SPTBN1: variants seen among roughly 807,000 people sequenced by gnomAD.
SPTBN1 encodes spectrin beta, non-erythrocytic 1, also known as spectrin beta chain, non-erythrocytic 1.
A neutral mutation model predicts 266.4 loss-of-function variants in SPTBN1; 32 were observed. The ratio of observed to expected loss-of-function variants is 0.12; its 90% CI spans 0.09 to 0.16. SPTBN1 has a LOEUF of 0.16. Among genes scored for constraint, SPTBN1 ranks in the 10% least tolerant of loss-of-function variants. SPTBN1 has a pLI of 1.00. For missense variants in SPTBN1, 2,296 were observed against 3,067.1 expected, an observed-to-expected ratio of 0.75 and a Z score of 5.94; for synonymous variants, 1,336 against 1,162.2, an observed-to-expected ratio of 1.15 and a Z score of -3.04.
intron 1 of SPTBN1, among the ~76,000 whole-genome samples, chr2:54,487,792 A>C (rs1484240051): frequency 6.8e-6 from 1 of 147,284 alleles, no homozygotes; most frequent in Non-Finnish European, 1.5e-5. Context: ...TTGGCTTTTA[A>C]TATAGTGATA....
Position 54,626,178 on chromosome 2 carries a change from C to T in SPTBN1, c.1588C>T (p.Leu530=). 6.2e-7 allele frequency: 1 copy of T among 1,614,156 alleles called. No individual in the cohort carries two copies. Among genetic ancestry groups the T allele is most frequent in the Non-Finnish European group, 8.5e-7 (1 of 1,180,038 alleles). The change falls in exon 12 of 36, where the codon CTG becomes TTG. Residue 530 remains leucine (L), a synonymous_variant. Transcript: ENST00000356805. The surrounding 1 kb of genome is among the most constrained non-coding windows in gnomAD (Gnocchi z 4.7). ...ACAGCGGCTCGAGATGAACCTGGGGCTGCAGAAGATATTCCAGGAAATGCT... is the reference window on the plus strand; with the variant it reads ...ACAGCGGCTCGAGATGAACCTGGGGTTGCAGAAGATATTCCAGGAAATGCT... The part of the protein sequence containing the change: ...RRQRLEMNLG[L]QKIFQEMLYI...
rs1285791117 is a variant in SPTBN1 at position 54,469,804 on chromosome 2, AG to A, written c.-48+13290del. Among the ~76,000 whole-genome samples the A allele has an allele frequency of 2.0e-5, 3 of 152,196 alleles. No homozygotes were observed. The East Asian group carries it at 5.8e-4, about 29-fold the overall frequency. ...ATATCAGTCAGGTGACTTCTCTGAG[AG>A]GGGCCTGGTCCTTCTCACAGCAAGA... On this transcript the variant is annotated intron_variant, in intron 1 of 35. Transcript: ENST00000356805.
intron 1 of SPTBN1, among the ~76,000 whole-genome samples, chr2:54,510,127 T>A (rs945934725): frequency 7.9e-5 from 12 of 151,740 alleles, no homozygotes; most frequent in Non-Finnish European, 1.8e-4. Context: ...CCCGGCTAAT[T>A]TTTGTATTTT....
chr2:54,526,207 C>T (rs1558806083), intron 1 of SPTBN1, among the ~76,000 whole-genome samples, 165 bp from the exon 2 acceptor site: 1 of 152,182 alleles, frequency 6.6e-6, no homozygotes, highest in Non-Finnish European at 1.5e-5. Context: ...GCTAAGGTCA[C>T]ACATCTATTA....
chr2:54,504,489 C>G (rs1044034494), intron 1 of SPTBN1, among the ~76,000 whole-genome samples: 7 of 152,134 alleles, frequency 4.6e-5, no homozygotes, highest in Admixed American at 4.6e-4. Context: ...AAAAAATCCA[C>G]AAAGTTCGAA....
intron 2 of SPTBN1, among the ~76,000 whole-genome samples, chr2:54,595,558 G>T (rs2103651955): frequency 6.6e-6 from 1 of 152,400 alleles, no homozygotes; most frequent in South Asian, 2.1e-4. Context: ...GCCCGCCCCA[G>T]CTCCATGCTG....
intron 1 of SPTBN1, among the ~76,000 whole-genome samples, chr2:54,489,777 G>C (rs2104004334): frequency 6.6e-6 from 1 of 152,338 alleles, no homozygotes; most frequent in East Asian, 1.9e-4. Context: ...TTTACAAAGA[G>C]CGTGCATACA....
chr2:54,545,464 T>C (rs1218038173), intron 2 of SPTBN1: 1 of 152,208 alleles, frequency 6.6e-6, no homozygotes, highest in African/African-American at 2.4e-5. Context: ...TAAGCAAAGG[T>C]ACCCAGAGAC....
At chr2:54,553,634 C>A (rs549572077) in intron 2 of SPTBN1, among the ~76,000 whole-genome samples, 1 of 152,340 alleles carries the variant, frequency 6.6e-6, no homozygotes, top group African/African-American at 2.4e-5. Context: ...TGACAAAACA[C>A]AATCCTATAT....
chr2:54,645,766 G>A lies in SPTBN1; in HGVS notation c.4495-162G>A, dbSNP rs1300758346. The stretch of plus-strand genomic sequence containing the variant: ...AGTTGGAAAGACTCTCCCTAGCCCT[G>A]TCTCGGAGAACAAGGGCGTGCTTCC... On this transcript the variant is annotated intron_variant, in intron 21 of 35. Transcript: ENST00000356805. This position sits in a 1 kb window ranked among gnomAD's most constrained non-coding sequence, Gnocchi z 4.3. Among the ~76,000 whole-genome samples, 1 of 152,168 alleles carries A rather than the reference G, an allele frequency of 6.6e-6. No individual in the cohort carries two copies. The highest frequency in any genetic ancestry group is 2.4e-5 in the African/African-American group (1 of 41,430).
intron 2 of SPTBN1, chr2:54,528,683 T>G (rs1290194105): frequency 7.1e-6 from 1 of 141,692 alleles, no homozygotes; most frequent in African/African-American, 2.8e-5. Context: ...ATACTCTTTT[T>G]CAGTATTCAG....
intron 1 of SPTBN1, among the ~76,000 whole-genome samples, chr2:54,514,410 A>G (rs952101699): frequency 3.9e-5 from 6 of 152,194 alleles, no homozygotes; most frequent in South Asian, 2.1e-4. Context: ...TTAAGAAAAA[A>G]AAATGTGTCT....
chr2:54,599,877 T>C (rs537371535), intron 3 of SPTBN1, among the ~76,000 whole-genome samples: 1 of 152,314 alleles, frequency 6.6e-6, no homozygotes, highest in South Asian at 2.1e-4. Flanking sequence ...GTGACTCTTG[T>C]TTATGCACCT....
chr2:54,477,255 A>G (rs1208837796), intron 1 of SPTBN1, among the ~76,000 whole-genome samples: 1 of 152,190 alleles, frequency 6.6e-6, no homozygotes, highest in Non-Finnish European at 1.5e-5. Flanking sequence ...GGAAGTTTTC[A>G]CTTAAAATGG....
intron 1 of SPTBN1, among the ~76,000 whole-genome samples, chr2:54,524,777 A>G (rs1253658700): frequency 1.3e-5 from 2 of 152,152 alleles, no homozygotes; most frequent in African/African-American, 2.4e-5. Flanking sequence ...ACTCAGCCAC[A>G]TTGAACTTGC....
intron 2 of SPTBN1, among the ~76,000 whole-genome samples, chr2:54,589,707 G>T (rs1379654310): frequency 6.6e-6 from 1 of 152,216 alleles, no homozygotes; most frequent in Non-Finnish European, 1.5e-5. Flanking sequence ...TCAGTCAAAA[G>T]ATTAGTTTCC....
intron 34 of SPTBN1, among the ~76,000 whole-genome samples, chr2:54,666,788 A>G (rs913777631): frequency 6.6e-6 from 1 of 152,174 alleles, no homozygotes; most frequent in African/African-American, 2.4e-5. Flanking sequence ...TTGGTCTTCC[A>G]TTTATTTGTA....
chr2:54,471,930 AACTTC>A (rs34929968), intron 1 of SPTBN1, among the ~76,000 whole-genome samples: 27,703 of 149,474 alleles, frequency 0.19, 2,916 homozygotes, highest in African/African-American at 0.28. Context: ...CATTATCTGA[AACTTC>A]ACTTGTAGTT....
intron 2 of SPTBN1, among the ~76,000 whole-genome samples, chr2:54,551,477 G>T (rs910791829): frequency 1.1e-4 from 17 of 152,232 alleles, no homozygotes; most frequent in Non-Finnish European, 2.4e-4. Flanking sequence ...AACAGACACG[G>T]TAAGAATGCA....
Sources: gnomAD v4.1 joint callset for allele counts (sites outside exome capture counted in the v4.1 genomes callset) on GRCh38, gnomAD v4.1.1 for gene constraint, Gnocchi (gnomAD v3.1) non-coding constraint, MANE v1.5 for transcripts, NCBI Gene and HGNC (gene_info 2026-07-23, HGNC 2026-07-21) for gene names.